Variants in UBE3B observed in about 807,000 individuals in gnomAD.
The protein encoded by UBE3B is ubiquitin protein ligase E3B.
In UBE3B, 80 loss-of-function variants were observed where a neutral mutation model predicts 132.3. The observed-to-expected ratio is 0.60, with a 90% CI of 0.50 to 0.73. The LOEUF (loss-of-function observed/expected upper bound fraction) is 0.73, where lower values mean the gene tolerates loss of function less well. UBE3B is among the 30% of genes least tolerant of loss of function. The pLI is 0.00. For synonymous variants in UBE3B, 487 were observed against 520.4 expected, an observed-to-expected ratio of 0.94 and a Z score of 0.87; for missense variants, 1,196 against 1,362.5, an observed-to-expected ratio of 0.88 and a Z score of 1.92.
downstream of UBE3B, chr12:109,536,793 T>C (rs988236891): frequency 1.3e-5 from 2 of 152,246 alleles, no homozygotes; most frequent in East Asian, 3.9e-4. Context: ...GCTTCCACAA[T>C]GGAGGGAAGA....
chr12:109,483,841 T>C lies in UBE3B; in HGVS notation c.162-20T>C. ...CAAGCTGTTAATTTAAAATGTCTTT[T>C]TTTGCACTTTCTTTTCTAGGAGAGA... On this transcript the variant is annotated intron_variant, in intron 3 of 27. Transcript: ENST00000342494. The C allele has an allele frequency of 6.2e-7, 1 of 1,601,886 alleles. No individual in the cohort carries two copies. The highest frequency in any genetic ancestry group is 1.3e-5 in the African/African-American group (1 of 74,516).
chr12:109,507,852 C>A, intron 15 of UBE3B, 117 bp downstream of exon 15: 1 of 1,239,316 alleles, frequency 8.1e-7, no homozygotes, highest in South Asian at 1.5e-5. Context: ...ACCTGTGTGG[C>A]AGGGCATTGT....
chr12:109,493,126 T>C (rs931323518), intron 9 of UBE3B, among the ~76,000 whole-genome samples: 4 of 152,226 alleles, frequency 2.6e-5, no homozygotes, highest in African/African-American at 9.6e-5. Flanking sequence ...CTAGGGAAGT[T>C]ATGTGAGTTG....
the UBE3B span, among the ~76,000 whole-genome samples, chr12:109,544,149 C>T: frequency 1.3e-5 from 2 of 152,162 alleles, no homozygotes; most frequent in African/African-American, 4.8e-5. Flanking sequence ...GGAGTATGGT[C>T]CCTGCAGCCC....
At chr12:109,545,512 G>C in the UBE3B span, among the ~76,000 whole-genome samples, 9 of 152,244 alleles carry the variant, frequency 5.9e-5, no homozygotes, top group African/African-American at 2.2e-4. Context: ...CCACTCAAGT[G>C]GGGAAAGCTG....
intron 19 of UBE3B, among the ~76,000 whole-genome samples, chr12:109,518,948 G>A (rs528932198): frequency 1.5e-4 from 23 of 152,278 alleles, no homozygotes; most frequent in African/African-American, 4.6e-4. Flanking sequence ...ACAAGGGGGC[G>A]TCAGTAAGCT....
chr12:109,500,102 C>T (rs7311187), intron 12 of UBE3B, among the ~76,000 whole-genome samples: 86,203 of 151,994 alleles, frequency 0.57, 25,460 homozygotes, highest in African/African-American at 0.72. Context: ...TTCCATTCAG[C>T]TATGGACCTT....
chr12:109,499,693 T>A lies in UBE3B; in HGVS notation c.1001T>A (p.Phe334Tyr). The A allele has an allele frequency of 6.2e-7, 1 of 1,613,452 alleles. No homozygotes were observed. Among genetic ancestry groups the A allele is most frequent in the Non-Finnish European group, 8.5e-7 (1 of 1,179,640 alleles). ...GTGTTAGAGGAGGAGACAGATGGGT[T>A]CGTGAGTTTGCTCACCCAGACGCTG... ...PRVLEEETDG[F>Y]VSLLTQTLCY... The change falls in exon 12 of 28, where the codon TTC becomes TAC. Residue 334 changes from phenylalanine (F) to tyrosine (Y), a missense_variant. Physicochemically the swap from Phe to Tyr is conservative, Grantham distance 22 (BLOSUM62 3). Transcript: ENST00000342494.
At position 109,536,495 on chromosome 12, in the gene UBE3B, A is replaced by G. The variant is rs1883446808; in HGVS notation, c.*1713A>G. On this transcript the variant is annotated 3_prime_UTR_variant, in exon 28 of 28. Transcript: ENST00000342494. ...AACTTCATGTGGATTTTTGACAAGGAGGGGTAGTTTGTAATTTCATTTAAA... is the reference window on the plus strand; with the variant it reads ...AACTTCATGTGGATTTTTGACAAGGGGGGGTAGTTTGTAATTTCATTTAAA... 1.3e-5 allele frequency: 2 copies of G among 150,364 alleles called. No homozygotes were observed. Among genetic ancestry groups the G allele is most frequent in the Admixed American group, 1.3e-4 (2 of 15,076 alleles). The allele number at this position is 150,364 out of a possible 1,614,324, so 9.3% of individuals were successfully genotyped here.
At chr12:109,485,842 C>G (rs1055244058) in intron 4 of UBE3B, among the ~76,000 whole-genome samples, 170 bp from the exon 5 acceptor site, 2 of 152,180 alleles carry the variant, frequency 1.3e-5, no homozygotes, top group Non-Finnish European at 2.9e-5. Context: ...ACCCTTTAGT[C>G]TTTATGATCT....
intron 15 of UBE3B, 80 bp downstream of exon 15, chr12:109,507,815 G>C: frequency 2.1e-6 from 3 of 1,453,848 alleles, no homozygotes; most frequent in Non-Finnish European, 2.8e-6. Context: ...GGAAGTAATT[G>C]CTAATGTGAT....
intron 27 of UBE3B, 57 bp downstream of exon 27, chr12:109,533,615 C>T (rs1883173802): frequency 2.1e-6 from 3 of 1,455,454 alleles, no homozygotes; most frequent in Non-Finnish European, 2.9e-6. Flanking sequence ...TGGTTGTCTG[C>T]TGTGCCCACT....
intron 6 of UBE3B, 132 bp from the exon 7 acceptor site, chr12:109,488,440 A>T (rs1301321768): frequency 1.2e-6 from 1 of 830,174 alleles, no homozygotes; most frequent in East Asian, 2.5e-5. Flanking sequence ...AGAGAAAAAG[A>T]ATTAAGACTG....
chr12:109,516,652 C>T, intron 18 of UBE3B, 113 bp from the exon 19 acceptor site: 6 of 1,506,522 alleles, frequency 4.0e-6, no homozygotes, highest in Non-Finnish European at 5.4e-6. Context: ...GTTAAGGCAT[C>T]CCATTCTGCT....
In UBE3B at chr12:109,533,915, G is replaced by A. The variant is rs1017062594; in HGVS notation, c.3015+357G>A. ...GAGAGTGGGCTCAGGAGGCAGGCAG[G>A]CGCAGACTCGAATGCTACTCCTACC... On this transcript the variant is annotated intron_variant, in intron 27 of 27. Coordinates refer to ENST00000342494, the MANE Select transcript of UBE3B (RefSeq NM_130466.4). 20 of 1,328,140 alleles carry A rather than the reference G, an allele frequency of 1.5e-5. No homozygotes were observed. In the African/African-American group the frequency reaches 2.8e-4, roughly 19 times the overall value. The allele number at this position is 1,328,140 out of a possible 1,614,324, so 82.3% of individuals were successfully genotyped here. A position where few individuals can be genotyped will look rare whatever the true frequency, so the allele number is the denominator to read the frequency against.
chr12:109,547,402 G>A, the UBE3B span, among the ~76,000 whole-genome samples: 1 of 152,212 alleles, frequency 6.6e-6, no homozygotes, highest in African/African-American at 2.4e-5. This position sits in a 1 kb window ranked among gnomAD's most constrained non-coding sequence, Gnocchi z 4.1. Context: ...AGGCATCATC[G>A]AGTTCCATCC....
chr12:109,524,629 AC>A, intron 23 of UBE3B, 126 bp downstream of exon 23: 1 of 988,052 alleles, frequency 1.0e-6, no homozygotes, highest in Non-Finnish European at 1.5e-6. Flanking sequence ...TGTCCTCCCC[AC>A]CCCTCGCCCA....
chr12:109,525,015 G>A lies in UBE3B; in HGVS notation c.2568+512G>A, dbSNP rs141197336. On this transcript the variant is annotated intron_variant, in intron 23 of 27. Transcript: ENST00000342494. ...GCCCTTTGATTGTGTCCTGGTGGAG[G>A]TCCCTGCATGAGGCTCTGGGAGTGC... Among the ~76,000 whole-genome samples, 18 of 152,180 alleles carry A rather than the reference G, an allele frequency of 1.2e-4. 1 individual carries two copies. The highest frequency in any genetic ancestry group is 3.9e-4 in the Admixed American group (6 of 15,290).
intron 15 of UBE3B, chr12:109,508,600 G>A: frequency 1.0e-6 from 1 of 985,596 alleles, no homozygotes; most frequent in Non-Finnish European, 1.2e-6. Flanking sequence ...TTTAGCCGGA[G>A]AGGATCAGGG....
Sources: gnomAD v4.1 joint callset for allele counts (sites outside exome capture counted in the v4.1 genomes callset) on GRCh38, gnomAD v4.1.1 for gene constraint, Gnocchi (gnomAD v3.1) non-coding constraint, MANE v1.5 for transcripts, NCBI Gene and HGNC (gene_info 2026-07-23, HGNC 2026-07-21) for gene names.